Variants in SPAG16 observed in about 807,000 individuals in gnomAD.
The protein encoded by SPAG16 is sperm-associated antigen 16 protein.
A neutral mutation model predicts 80.4 loss-of-function variants in SPAG16; 86 were observed. The ratio of observed to expected loss-of-function variants is 1.07; its 90% CI spans 0.90 to 1.28. The LOEUF is 1.28. Among genes scored for constraint, SPAG16 ranks in the 50% most tolerant of loss-of-function variants. The pLI, the probability that SPAG16 is intolerant of heterozygous loss-of-function variation, is 0.00. For synonymous variants in SPAG16, 294 were observed against 265.9 expected, an observed-to-expected ratio of 1.11 and a Z score of -1.03; for missense variants, 870 against 765.3, an observed-to-expected ratio of 1.14 and a Z score of -1.61.
chr2:213,733,496 G>A (rs2067147331), intron 10 of SPAG16, among the ~76,000 whole-genome samples: 1 of 114,644 alleles, frequency 8.7e-6, no homozygotes, highest in Non-Finnish European at 1.8e-5. Flanking sequence ...GAGTTATGAA[G>A]GGATTTTTTT....
intron 11 of SPAG16, among the ~76,000 whole-genome samples, chr2:213,870,362 T>C (rs1575414511): frequency 6.9e-5 from 2 of 28,822 alleles, no homozygotes; most frequent in South Asian, 0.015. Context: ...TATTGTGGCT[T>C]GCTAGTGTTA....
intron 9 of SPAG16, among the ~76,000 whole-genome samples, chr2:213,420,768 G>A (rs1458761531): frequency 6.6e-6 from 1 of 152,048 alleles, no homozygotes. Context: ...GTAACTTTTT[G>A]TTAGTTTTTT....
Position 214,309,832 on chromosome 2 carries a change from T to A in SPAG16, c.1721-100308T>A, listed in dbSNP as rs375127677. ...GCAAGTGGATACAGGGGTTCCTACCTCCCTGAGAGCATTCACCACAGTGGT... is the reference window on the plus strand; with the variant it reads ...GCAAGTGGATACAGGGGTTCCTACCACCCTGAGAGCATTCACCACAGTGGT... On this transcript the variant is annotated intron_variant, in intron 15 of 15. Coordinates refer to ENST00000331683, the MANE Select transcript of SPAG16 (RefSeq NM_024532.5). Among the ~76,000 whole-genome samples, 34 of 152,256 alleles carry A rather than the reference T, an allele frequency of 2.2e-4. 1 individual carries two copies. In the East Asian group the frequency reaches 5.2e-3, roughly 23 times the overall value.
Position 213,674,981 on chromosome 2 carries a change from A to T in SPAG16, c.1070+184891A>T, listed in dbSNP as rs2063988492. ...CCACACTGACTTCCACAATGGTTGA[A>T]CTAGTTTACAGTCCCACCAACAGTG... is the stretch of plus-strand genomic sequence containing the variant. On this transcript the variant is annotated intron_variant, in intron 10 of 15. Transcript: ENST00000331683. Among the ~76,000 whole-genome samples, 6 of 150,036 alleles carry T rather than the reference A, an allele frequency of 4.0e-5. No homozygotes were observed. In the South Asian group the frequency reaches 1.2e-3, roughly 31 times the overall value.
At chr2:213,395,137 A>T (rs771755523) in intron 9 of SPAG16, among the ~76,000 whole-genome samples, 1 of 152,134 alleles carries the variant, frequency 6.6e-6, no homozygotes, top group African/African-American at 2.4e-5. Flanking sequence ...GTCTTGCTAT[A>T]TAGCAATTTA....
At chr2:214,337,719 A>T (rs1323934823) in intron 15 of SPAG16, among the ~76,000 whole-genome samples, 1 of 152,196 alleles carries the variant, frequency 6.6e-6, no homozygotes, top group Non-Finnish European at 1.5e-5. Context: ...ATTCTGCATT[A>T]AGGGATATTA....
chr2:213,981,167 C>A (rs1008128206), intron 12 of SPAG16, among the ~76,000 whole-genome samples: 2 of 152,026 alleles, frequency 1.3e-5, no homozygotes, highest in African/African-American at 4.8e-5. Flanking sequence ...AGTGAGAGAG[C>A]CTTCGGGTTT....
intron 13 of SPAG16, among the ~76,000 whole-genome samples, chr2:214,086,765 C>T (rs1232843848): frequency 6.6e-6 from 1 of 152,134 alleles, no homozygotes; most frequent in African/African-American, 2.4e-5. Flanking sequence ...TACTCTACTG[C>T]CCCTAGAAAG....
chr2:214,013,426 C>G (rs1008896254), intron 12 of SPAG16, among the ~76,000 whole-genome samples: 3 of 152,016 alleles, frequency 2.0e-5, no homozygotes, highest in African/African-American at 7.2e-5. Context: ...CAACAGGACA[C>G]CAAAATTTAT....
At chr2:214,400,876 A>G (rs1162403913) in intron 15 of SPAG16, among the ~76,000 whole-genome samples, 1 of 152,036 alleles carries the variant, frequency 6.6e-6, no homozygotes, top group Non-Finnish European at 1.5e-5. Flanking sequence ...TTCTACCAAG[A>G]TAAATTTAAA....
chr2:213,691,781 CA>C (rs772669615), intron 10 of SPAG16, among the ~76,000 whole-genome samples: 29 of 152,084 alleles, frequency 1.9e-4, no homozygotes, highest in Non-Finnish European at 4.1e-4. Flanking sequence ...TTGTTGTCCC[CA>C]CCAGATTGAA....
At chr2:214,355,101 A>G (rs1373241066) in intron 15 of SPAG16, among the ~76,000 whole-genome samples, 2 of 152,012 alleles carry the variant, frequency 1.3e-5, no homozygotes, top group African/African-American at 4.8e-5. Context: ...CATTCAGGAC[A>G]TAGGCATGGG....
intron 3 of SPAG16, among the ~76,000 whole-genome samples, chr2:213,298,585 T>C (rs2062602101): frequency 6.6e-6 from 1 of 152,192 alleles, no homozygotes; most frequent in Admixed American, 6.5e-5. Context: ...AGTGGATCAT[T>C]GAATGAAAAA....
chr2:213,691,943 T>C (rs1329386604), intron 10 of SPAG16, among the ~76,000 whole-genome samples: 1 of 152,150 alleles, frequency 6.6e-6, no homozygotes, highest in African/African-American at 2.4e-5. Context: ...TAAACAAGAC[T>C]CATTCAAAAG....
At chr2:214,306,367 TTC>T (rs1694913888) in intron 15 of SPAG16, among the ~76,000 whole-genome samples, 1 of 152,222 alleles carries the variant, frequency 6.6e-6, no homozygotes, top group Non-Finnish European at 1.5e-5. Flanking sequence ...ATGCCTTTAT[TTC>T]TTTCTCTTCC....
chr2:214,291,661 A>G (rs1693815071), intron 15 of SPAG16, among the ~76,000 whole-genome samples: 1 of 152,112 alleles, frequency 6.6e-6, no homozygotes, highest in Non-Finnish European at 1.5e-5. Context: ...GGAGAATTTA[A>G]TCCATTTACA....
chr2:213,834,540 G>A (rs924094795), intron 10 of SPAG16, among the ~76,000 whole-genome samples: 2 of 152,158 alleles, frequency 1.3e-5, no homozygotes, highest in Admixed American at 6.6e-5. Context: ...AATGAGGATT[G>A]TATGACTCAC....
chr2:213,786,188 T>G (rs1049690649), intron 10 of SPAG16, among the ~76,000 whole-genome samples: 3 of 152,190 alleles, frequency 2.0e-5, no homozygotes, highest in African/African-American at 7.2e-5. Flanking sequence ...ACTTAGTGAT[T>G]TTAATTTTTC....
intron 9 of SPAG16, among the ~76,000 whole-genome samples, chr2:213,470,615 T>A (rs2073025711): frequency 6.6e-6 from 1 of 152,198 alleles, no homozygotes; most frequent in Admixed American, 6.5e-5. Context: ...GCAGTGCCCA[T>A]AGCCAGGTCA....
Sources: gnomAD v4.1 joint callset for allele counts (sites outside exome capture counted in the v4.1 genomes callset) on GRCh38, gnomAD v4.1.1 for gene constraint, MANE v1.5 for transcripts, NCBI Gene and HGNC (gene_info 2026-07-23, HGNC 2026-07-21) for gene names.